The following WWOX variants were observed in gnomAD, a reference collection of about 807,000 sequenced individuals.
The protein encoded by WWOX is WW domain containing oxidoreductase.
In WWOX, 69 loss-of-function variants were observed where a neutral mutation model predicts 46.2. That is an observed-to-expected ratio of 1.49 (90% confidence interval 1.23 to 1.82). The LOEUF (loss-of-function observed/expected upper bound fraction) is 1.82. Among genes scored for constraint, WWOX ranks in the 40% most tolerant of loss-of-function variants. The pLI, the probability that WWOX is intolerant of heterozygous loss-of-function variation, is 0.00. For missense variants in WWOX, 919 were observed against 542.6 expected, an observed-to-expected ratio of 1.69 and a Z score of -6.89; for synonymous variants, 359 against 202.6, an observed-to-expected ratio of 1.77 and a Z score of -6.56.
At chr16:78,956,344 G>A (rs991128340) in intron 8 of WWOX, among the ~76,000 whole-genome samples, 8 of 151,930 alleles carry the variant, frequency 5.3e-5, no homozygotes, top group East Asian at 1.9e-4. Flanking sequence ...TAGTGAAGGC[G>A]GAGTTTCACC....
chr16:79,143,321 A>T (rs1221096640), intron 8 of WWOX, among the ~76,000 whole-genome samples: 1 of 152,228 alleles, frequency 6.6e-6, no homozygotes, highest in Admixed American at 6.5e-5. Context: ...CGCCTAACAC[A>T]TTAAATGTAT....
chr16:78,107,084 G>A (rs1597205675), intron 1 of WWOX, among the ~76,000 whole-genome samples: 1 of 152,218 alleles, frequency 6.6e-6, no homozygotes, highest in Non-Finnish European at 1.5e-5. Context: ...TTTATTTTCT[G>A]TAAAATAATT....
At chr16:78,260,126 G>T (rs910321916) in intron 5 of WWOX, among the ~76,000 whole-genome samples, 7 of 151,298 alleles carry the variant, frequency 4.6e-5, no homozygotes, top group African/African-American at 1.7e-4. Flanking sequence ...CCAGAGGAAG[G>T]AGCAGGCAGC....
rs17777935 is a variant in WWOX, at chr16:78,554,779, G to C, written c.1056+122027G>C. 2.7e-3 allele frequency among the ~76,000 whole-genome samples: 408 copies of C among 152,236 alleles called. 11 individuals carry two copies. In the East Asian group the frequency reaches 0.068, roughly 26 times the overall value. On this transcript the variant is annotated intron_variant, in intron 8 of 8. Transcript: ENST00000566780. ...TCTTCTCTATTTCTGAGTCACGTGG[G>C]CTGCACCTATCTGTCAGAAGCCCAC... is the stretch of plus-strand genomic sequence containing the variant.
intron 8 of WWOX, among the ~76,000 whole-genome samples, chr16:79,032,032 A>T (rs1331979696): frequency 6.9e-6 from 1 of 145,018 alleles, no homozygotes; most frequent in Non-Finnish European, 1.5e-5. Flanking sequence ...GGGACATTCT[A>T]CACAGCTCCT....
intron 5 of WWOX, among the ~76,000 whole-genome samples, chr16:78,328,735 C>G (rs987902503): frequency 3.3e-5 from 5 of 152,152 alleles, no homozygotes; most frequent in African/African-American, 1.2e-4. Context: ...GAAAAGTGCT[C>G]TTGAAGCCAA....
intron 8 of WWOX, among the ~76,000 whole-genome samples, chr16:78,775,279 A>C (rs1358998012): frequency 6.6e-6 from 1 of 152,142 alleles, no homozygotes; most frequent in Non-Finnish European, 1.5e-5. Flanking sequence ...GTGGGTTTGA[A>C]ATTTATGAGT....
intron 8 of WWOX, among the ~76,000 whole-genome samples, chr16:78,702,007 T>TTATATATATGTATATATA (rs1555519490): frequency 1.1e-3 from 63 of 57,622 alleles, no homozygotes; most frequent in African/African-American, 4.1e-3. Flanking sequence ...CTACATAAAA[T>TTATATATATGTATATATA]TATATATATA....
At chr16:78,939,230 A>T (rs917332099) in intron 8 of WWOX, among the ~76,000 whole-genome samples, 1 of 152,142 alleles carries the variant, frequency 6.6e-6, no homozygotes. Flanking sequence ...TCTGCTAGAC[A>T]CAGAATTGGG....
intron 8 of WWOX, among the ~76,000 whole-genome samples, chr16:79,014,598 C>T (rs1201169686): frequency 1.3e-5 from 2 of 152,190 alleles, no homozygotes; most frequent in African/African-American, 2.4e-5. Flanking sequence ...CTCCTAGCCA[C>T]TGCTTTTTGA....
At chr16:78,824,833 C>T (rs1021757507) in intron 8 of WWOX, among the ~76,000 whole-genome samples, 2 of 152,122 alleles carry the variant, frequency 1.3e-5, no homozygotes, top group African/African-American at 4.8e-5. Flanking sequence ...GGTGGAGACA[C>T]ACCCAAAGCA....
chr16:78,879,038 C>A (rs761228990), intron 8 of WWOX, among the ~76,000 whole-genome samples: 14 of 151,662 alleles, frequency 9.2e-5, no homozygotes, highest in African/African-American at 3.4e-4. Context: ...CTACACTTCA[C>A]CCTGGATCTG....
At chr16:78,809,695 G>C (rs763143475) in intron 8 of WWOX, among the ~76,000 whole-genome samples, 1 of 152,184 alleles carries the variant, frequency 6.6e-6, no homozygotes, top group Admixed American at 6.5e-5. Context: ...CTGGGAGTGT[G>C]AATGAGGCCA....
chr16:78,875,143 G>A (rs567722606), intron 8 of WWOX, among the ~76,000 whole-genome samples: 1 of 152,272 alleles, frequency 6.6e-6, no homozygotes, highest in Admixed American at 6.5e-5. Context: ...CTACTTCATG[G>A]GTTTGAATTC....
intron 8 of WWOX, among the ~76,000 whole-genome samples, chr16:78,437,390 C>G (rs951010835): frequency 3.3e-5 from 5 of 152,150 alleles, no homozygotes; most frequent in Admixed American, 1.3e-4. Flanking sequence ...TGTGATCTGT[C>G]TTTTAAATGT....
chr16:78,108,256 C>T (rs1374925532), intron 1 of WWOX, among the ~76,000 whole-genome samples, 167 bp from the exon 2 acceptor site: 1 of 150,962 alleles, frequency 6.6e-6, no homozygotes, highest in East Asian at 1.9e-4. Flanking sequence ...ATTCAGCAAA[C>T]CTCCTAAAGT....
At chr16:78,656,090 C>T (rs1372293050) in intron 8 of WWOX, among the ~76,000 whole-genome samples, 2 of 152,112 alleles carry the variant, frequency 1.3e-5, no homozygotes, top group African/African-American at 2.4e-5. Context: ...TGCTTCAGTA[C>T]AGTATGGGAT....
chr16:78,542,861 G>T (rs542957163), intron 8 of WWOX, among the ~76,000 whole-genome samples: 1 of 152,126 alleles, frequency 6.6e-6, no homozygotes, highest in Non-Finnish European at 1.5e-5. Context: ...AAACCCAAAC[G>T]ACGGGCCTGG....
intron 3 of WWOX, among the ~76,000 whole-genome samples, chr16:78,112,468 A>C (rs1475125789): frequency 1.3e-5 from 2 of 152,126 alleles, no homozygotes; most frequent in Non-Finnish European, 2.9e-5. Flanking sequence ...CAAAACTGAT[A>C]TTGAGAGCAA....
Sources: allele counts gnomAD v4.1 joint callset (sites outside exome capture counted in the v4.1 genomes callset), GRCh38; gene constraint gnomAD v4.1.1; transcripts MANE v1.5; gene names NCBI Gene and HGNC (gene_info 2026-07-23, HGNC 2026-07-21).